DLG2: variants seen among roughly 807,000 people sequenced by gnomAD.
DLG2 encodes the protein discs large MAGUK scaffold protein 2, also known as disks large homolog 2.
A neutral mutation model predicts 132.5 loss-of-function variants in DLG2; 45 were observed. That is an observed-to-expected ratio of 0.34 (90% CI 0.27 to 0.44). The LOEUF (loss-of-function observed/expected upper bound fraction) is 0.44. DLG2 is among the 20% of genes least tolerant of loss of function. The pLI is 1.00. For missense variants in DLG2, 1,045 were observed against 1,196.9 expected, an observed-to-expected ratio of 0.87 and a Z score of 1.87; for synonymous variants, 424 against 419.6, an observed-to-expected ratio of 1.01 and a Z score of -0.13.
chr11:84,555,364 T>C (rs2099409899), intron 6 of DLG2, among the ~76,000 whole-genome samples: 1 of 152,192 alleles, frequency 6.6e-6, no homozygotes, highest in African/African-American at 2.4e-5. Context: ...AGTAGTACTA[T>C]TCATGATAGC....
At chr11:84,532,478 C>T (rs187681309) in intron 7 of DLG2, among the ~76,000 whole-genome samples, 5 of 152,040 alleles carry the variant, frequency 3.3e-5, no homozygotes, top group African/African-American at 1.2e-4. Flanking sequence ...AGAAAGGTGG[C>T]GAATTTTGTG....
At position 84,260,612 on chromosome 11, in the gene DLG2, T is replaced by C. The variant is rs573914418; in HGVS notation, c.520-9321A>G. The stretch of plus-strand genomic sequence containing the variant: ...CTACCTACTGTGTGCCAAGCAAATA[T>C]GGTAAGCTTTTTACTTGTGTTTTAT... On this transcript the variant is annotated intron_variant, in intron 7 of 27. Transcript: ENST00000376104. Among the ~76,000 whole-genome samples the C allele has an allele frequency of 3.9e-5, 6 of 152,276 alleles. No homozygotes were observed. The East Asian group carries it at 1.2e-3, about 29-fold the overall frequency.
At chr11:85,597,967 A>G (rs2079890026) in intron 3 of DLG2, among the ~76,000 whole-genome samples, 1 of 151,436 alleles carries the variant, frequency 6.6e-6, no homozygotes, top group Admixed American at 6.6e-5. Flanking sequence ...AAAATATAAA[A>G]AAGAATTAAA....
intron 15 of DLG2, among the ~76,000 whole-genome samples, chr11:83,904,914 CA>C (rs1029538206): frequency 1.3e-5 from 2 of 152,166 alleles, no homozygotes; most frequent in African/African-American, 4.8e-5. Context: ...GTCTCTGATT[CA>C]GGAGTGAAGA....
At chr11:85,028,393 C>A (rs894320757) in intron 6 of DLG2, among the ~76,000 whole-genome samples, 1 of 152,162 alleles carries the variant, frequency 6.6e-6, no homozygotes, top group African/African-American at 2.4e-5. Context: ...TGCTTCAGGC[C>A]GTTCTTGGCT....
intron 6 of DLG2, among the ~76,000 whole-genome samples, chr11:85,088,659 C>A (rs1177599822): frequency 6.6e-6 from 1 of 152,222 alleles, no homozygotes; most frequent in African/African-American, 2.4e-5. Flanking sequence ...TTATATTAAA[C>A]AAGAAATTTT....
chr11:85,390,532 C>T (rs1344644026), intron 3 of DLG2, among the ~76,000 whole-genome samples: 1 of 151,538 alleles, frequency 6.6e-6, no homozygotes, highest in Admixed American at 6.6e-5. Flanking sequence ...ACTTTCTACC[C>T]AACAACTGCA....
At chr11:84,094,213 C>T (rs1037837743) in intron 10 of DLG2, among the ~76,000 whole-genome samples, 2 of 152,090 alleles carry the variant, frequency 1.3e-5, no homozygotes, top group African/African-American at 4.8e-5. Context: ...CTACCAGTTC[C>T]TCAATTTTCT....
At chr11:85,275,705 TTTAGA>T (rs1272771678) in intron 4 of DLG2, among the ~76,000 whole-genome samples, 3 of 152,174 alleles carry the variant, frequency 2.0e-5, no homozygotes, top group African/African-American at 7.2e-5. Flanking sequence ...CTATGCTTCC[TTTAGA>T]TTAGACAGTA....
chr11:84,030,516 A>G (rs2154090490), intron 11 of DLG2, among the ~76,000 whole-genome samples: 1 of 152,248 alleles, frequency 6.6e-6, no homozygotes, highest in South Asian at 2.1e-4. Context: ...AAGTTGAAGA[A>G]ACTAAAAAAA....
At chr11:84,163,007 G>C (rs973041659) in intron 9 of DLG2, among the ~76,000 whole-genome samples, 1 of 151,986 alleles carries the variant, frequency 6.6e-6, no homozygotes, top group African/African-American at 2.4e-5. Context: ...AGCTCTATGG[G>C]GTTGCTGTGT....
At chr11:84,971,642 G>C (rs2154114769) in intron 6 of DLG2, among the ~76,000 whole-genome samples, 1 of 152,136 alleles carries the variant, frequency 6.6e-6, no homozygotes. Flanking sequence ...AAATTAGAAT[G>C]ACTCCTGGAT....
intron 6 of DLG2, among the ~76,000 whole-genome samples, chr11:84,763,967 C>T (rs2068026404): frequency 6.6e-6 from 1 of 151,896 alleles, no homozygotes; most frequent in Non-Finnish European, 1.5e-5. Context: ...AATATTCTAC[C>T]ATAGATATTA....
At chr11:85,040,721 T>C (rs558341149) in intron 6 of DLG2, among the ~76,000 whole-genome samples, 1 of 151,922 alleles carries the variant, frequency 6.6e-6, no homozygotes, top group East Asian at 1.9e-4. Flanking sequence ...ATAGAAGTAC[T>C]ACTGCCAGAA....
intron 15 of DLG2, among the ~76,000 whole-genome samples, chr11:83,929,486 A>C (rs1000728134): frequency 4.6e-5 from 7 of 152,168 alleles, no homozygotes; most frequent in African/African-American, 1.7e-4. Context: ...TACTATGAAA[A>C]GAGGAGGTCT....
intron 6 of DLG2, among the ~76,000 whole-genome samples, chr11:84,730,230 A>G (rs2062993829): frequency 6.6e-6 from 1 of 152,026 alleles, no homozygotes; most frequent in Non-Finnish European, 1.5e-5. Context: ...TGAGTTAGTT[A>G]CTTAATCTGA....
At chr11:85,595,227 G>A (rs1207041985) in intron 3 of DLG2, among the ~76,000 whole-genome samples, 3 of 151,948 alleles carry the variant, frequency 2.0e-5, no homozygotes, top group Non-Finnish European at 2.9e-5. Flanking sequence ...AAATATCACA[G>A]AATTCCAATT....
chr11:85,449,790 GT>G (rs60329092), intron 3 of DLG2, among the ~76,000 whole-genome samples: 20 of 144,490 alleles, frequency 1.4e-4, no homozygotes, highest in Admixed American at 2.1e-4. Flanking sequence ...ACTACCTAAA[GT>G]TTTTTTTTTT....
intron 6 of DLG2, among the ~76,000 whole-genome samples, chr11:84,582,873 G>T (rs1375061411): frequency 2.0e-5 from 3 of 152,148 alleles, no homozygotes; most frequent in Non-Finnish European, 2.9e-5. Flanking sequence ...ATCCTTGCAG[G>T]TTAGTACAGG....
Sources: gnomAD v4.1 joint callset for allele counts (sites outside exome capture counted in the v4.1 genomes callset) on GRCh38, gnomAD v4.1.1 for gene constraint, MANE v1.5 for transcripts, NCBI Gene and HGNC (gene_info 2026-07-23, HGNC 2026-07-21) for gene names.